SYNE1: variants seen among roughly 807,000 people sequenced by gnomAD.
SYNE1 encodes nesprin-1.
A neutral mutation model predicts 1,111.0 loss-of-function variants in SYNE1; 616 were observed. The observed-to-expected ratio is 0.55, with a 90% confidence interval of 0.52 to 0.59. SYNE1 has a LOEUF of 0.59. Among genes scored for constraint, SYNE1 ranks in the 20% least tolerant of loss-of-function variants. SYNE1 has a pLI of 0.00. For synonymous variants in SYNE1, 3,855 were observed against 3,825.8 expected (o/e 1.01, Z -0.28); for missense variants, 10,006 against 10,417.0 (o/e 0.96, Z 1.72).
At chr6:152,397,421 G>A (rs2097753309) in intron 49 of SYNE1, among the ~76,000 whole-genome samples, 1 of 151,986 alleles carries the variant, frequency 6.6e-6, no homozygotes, top group Non-Finnish European at 1.5e-5. Flanking sequence ...GCTTGGACAG[G>A]GCTTTGACAA....
rs377676454 is a variant in SYNE1, at chr6:152,483,093, G to C, written c.1342C>G (p.Gln448Glu). ...TANTIQRKLE[Q>E]HKDLLQNTDA... Reference sequence around the variant, plus strand: ...CCAACCAGAATTTTTACCTTATGTTGCTCAAGTTTCCGTTGTATCGTGTTT... The same window carrying C: ...CCAACCAGAATTTTTACCTTATGTTCCTCAAGTTTCCGTTGTATCGTGTTT... The change falls in exon 14 of 146, where the codon CAA (glutamine) becomes GAA (glutamate). Residue 448 changes from glutamine (Q) to glutamate (E), a missense_variant. This residue lies in a region of SYNE1 where 1,971 missense variants were observed against 2,084.1 expected (regional missense o/e 0.95). Coordinates refer to ENST00000367255, the MANE Select transcript of SYNE1 (RefSeq NM_182961.4). 3.7e-6 allele frequency: 6 copies of C among 1,614,154 alleles called. No individual in the cohort carries two copies. Among genetic ancestry groups the C allele is most frequent in the Non-Finnish European group, 5.1e-6 (6 of 1,180,012 alleles).
intron 4 of SYNE1, among the ~76,000 whole-genome samples, chr6:152,529,559 G>A (rs1183164275): frequency 6.6e-6 from 1 of 152,158 alleles, no homozygotes; most frequent in Non-Finnish European, 1.5e-5. Flanking sequence ...TTTCAGGCTT[G>A]ATGATTCACT....
intron 74 of SYNE1, among the ~76,000 whole-genome samples, chr6:152,343,178 A>C (rs891375766): frequency 6.9e-5 from 10 of 145,840 alleles, no homozygotes; most frequent in Admixed American, 2.1e-4. Flanking sequence ...TTTGAGACAG[A>C]GTCTCACTCT....
At chr6:152,349,031 C>CT (rs1290117264) in intron 72 of SYNE1, among the ~76,000 whole-genome samples, 2 of 152,190 alleles carry the variant, frequency 1.3e-5, no homozygotes, top group African/African-American at 4.8e-5. Context: ...TGTGTAGCTA[C>CT]TTTTTTATTC....
In SYNE1 at chr6:152,354,951, C is replaced by A; in HGVS notation, c.10634G>T (p.Gly3545Val). The A allele has an allele frequency of 6.2e-7, 1 of 1,613,950 alleles. No individual in the cohort carries two copies. The highest frequency in any genetic ancestry group is 8.5e-7 in the Non-Finnish European group (1 of 1,180,022). The change falls in exon 67 of 146, where the codon GGG becomes GTG. Residue 3545 changes from glycine (G) to valine (V), a missense_variant. Physicochemically the swap from Gly to Val is moderately radical, Grantham distance 109. This residue lies in a region of SYNE1 where 4,955 missense variants were observed against 5,017.2 expected (regional missense o/e 0.99). Transcript: ENST00000367255. ...CAGCACTGAGTTCAACAGGGCCTGC[C>A]CCTCTGCACAGTGTACCTGTAGCTC... ...LQELQVHCAE[G>V]QALLNSVLHT...
Position 152,425,558 on chromosome 6 carries a change from C to G in SYNE1, c.5101-11G>C. The G allele has an allele frequency of 6.2e-7, 1 of 1,614,076 alleles. No homozygotes were observed. The highest frequency in any genetic ancestry group is 1.3e-5 in the African/African-American group (1 of 75,058). On this transcript the variant is annotated splice_polypyrimidine_tract_variant and intron_variant, in intron 38 of 145. Coordinates refer to ENST00000367255, the MANE Select transcript of SYNE1 (RefSeq NM_182961.4). Reference sequence around the variant, plus strand: ...TTCATTTTGCAGTGCCTGAAAAATACAAGACATTACGGATCTCATCCTAAC... The same window carrying G: ...TTCATTTTGCAGTGCCTGAAAAATAGAAGACATTACGGATCTCATCCTAAC...
intron 3 of SYNE1, among the ~76,000 whole-genome samples, chr6:152,561,713 A>G (rs566562347): frequency 4.6e-4 from 70 of 152,318 alleles, no homozygotes; most frequent in Non-Finnish European, 8.2e-4. Flanking sequence ...GCATAAAAAA[A>G]CAATACATGG....
Position 152,239,635 on chromosome 6 carries a change from T to C in SYNE1, c.19965A>G (p.Ala6655=). ...ETLFRKIISF[A]VQKETQFHTE... is the part of the protein sequence containing the mutation. Reference sequence around the variant, plus strand: ...TATGGAACTGGGTTTCCTTTTGGACTGCAAAGCTGATTATCTTTCTGAAGA... The same window carrying C: ...TATGGAACTGGGTTTCCTTTTGGACCGCAAAGCTGATTATCTTTCTGAAGA... Residue 6655 remains alanine (A), a synonymous_variant, in exon 108 of 146, where the codon GCA becomes GCG. Transcript: ENST00000367255. The C allele has an allele frequency of 1.9e-6, 3 of 1,614,240 alleles. No individual in the cohort carries two copies. Among genetic ancestry groups the C allele is most frequent in the Non-Finnish European group, 2.5e-6 (3 of 1,180,042 alleles).
At position 152,294,137 on chromosome 6, in the gene SYNE1, C is replaced by A; in HGVS notation, c.17683-10G>T. ...GGTAATATGCAATGTCCTGTGAGTG[C>A]AAAGCACAGTATTGAATTAAACAAA... is the stretch of plus-strand genomic sequence containing the variant. On this transcript the variant is annotated splice_polypyrimidine_tract_variant and intron_variant, in intron 93 of 145. Coordinates refer to ENST00000367255, the MANE Select transcript of SYNE1 (RefSeq NM_182961.4). The A allele has an allele frequency of 6.2e-7, 1 of 1,612,946 alleles. No individual in the cohort carries two copies.
At chr6:152,246,395 T>C (rs1222087462) in intron 105 of SYNE1, among the ~76,000 whole-genome samples, 1 of 151,114 alleles carries the variant, frequency 6.6e-6, no homozygotes, top group Non-Finnish European at 1.5e-5. Context: ...ATGTATTCAT[T>C]AAAAAAAATA....
intron 124 of SYNE1, among the ~76,000 whole-genome samples, chr6:152,209,936 T>C (rs2077230441): frequency 6.6e-6 from 1 of 152,064 alleles, no homozygotes; most frequent in South Asian, 2.1e-4. Context: ...CTCCAGGACT[T>C]GAGAATATCG....
At position 152,387,385 on chromosome 6, in the gene SYNE1, G is replaced by A. The variant is rs1379627819; in HGVS notation, c.8178-4C>T. 2 of 1,613,620 alleles carry A rather than the reference G, an allele frequency of 1.2e-6. No individual in the cohort carries two copies. The highest frequency in any genetic ancestry group is 1.7e-6 in the Non-Finnish European group (2 of 1,179,778). On this transcript the variant is annotated splice_polypyrimidine_tract_variant and splice_region_variant and intron_variant, in intron 53 of 145. Coordinates refer to ENST00000367255, the MANE Select transcript of SYNE1 (RefSeq NM_182961.4). ...GCTAATCACAGACTCTAAAGTGCTA[G>A]AATTAATGTCACATATTAACAAAAA...
intron 56 of SYNE1, chr6:152,380,637 A>AATAGTTAAC (rs2097394583): frequency 3.3e-6 from 1 of 299,704 alleles, no homozygotes; most frequent in South Asian, 3.2e-5. Flanking sequence ...AGTTGTATGA[A>AATAGTTAAC]ATAGTTAACT....
At chr6:152,324,834 C>T (rs762085548) in intron 81 of SYNE1, among the ~76,000 whole-genome samples, 4 of 152,186 alleles carry the variant, frequency 2.6e-5, no homozygotes, top group Non-Finnish European at 5.9e-5. Context: ...GCAAAATGGG[C>T]TTGTTCTCCT....
intron 3 of SYNE1, among the ~76,000 whole-genome samples, chr6:152,571,224 T>C (rs892826355): frequency 6.6e-6 from 1 of 152,234 alleles, no homozygotes; most frequent in Non-Finnish European, 1.5e-5. Flanking sequence ...CTACTTGGTT[T>C]GTCTTCTGAG....
chr6:152,552,019 T>C (rs2099348680), intron 3 of SYNE1, among the ~76,000 whole-genome samples: 1 of 152,202 alleles, frequency 6.6e-6, no homozygotes, highest in African/African-American at 2.4e-5. Context: ...AAAGGGAGTC[T>C]TGAAAAATGT....
At chr6:152,481,395 T>A in intron 14 of SYNE1, 1 of 284,288 alleles carries the variant, frequency 3.5e-6, no homozygotes, top group East Asian at 8.2e-5. Flanking sequence ...ACATTCTACA[T>A]TTCATTTAAA....
At chr6:152,449,765 CTT>C in intron 27 of SYNE1, 124 bp from the exon 28 acceptor site, 2 of 804,568 alleles carry the variant, frequency 2.5e-6, no homozygotes, top group South Asian at 3.1e-5. Flanking sequence ...TGATTAATAA[CTT>C]TTCTGGAAAC....
Position 152,325,982 on chromosome 6 carries a change from C to T in SYNE1, c.15414G>A (p.Ala5138=), listed in dbSNP as rs746436040. The part of the protein sequence containing the change: ...SLLKTSSSHE[A]EEKLSEHKAL... Reference sequence around the variant, plus strand: ...CCTTGTGTTCTGACAATTTTTCTTCCGCTTCATGACTAGACGAAGTCTTCA... The same window carrying T: ...CCTTGTGTTCTGACAATTTTTCTTCTGCTTCATGACTAGACGAAGTCTTCA... Residue 5138 remains alanine, a synonymous_variant, in exon 80 of 146, where the codon GCG becomes GCA. Transcript: ENST00000367255. 58 of 1,613,878 alleles carry T rather than the reference C, an allele frequency of 3.6e-5. 1 individual carries two copies. Among genetic ancestry groups the T allele is most frequent in the Admixed American group, 1.3e-4 (8 of 59,980 alleles).
Sources: gnomAD v4.1 joint callset for allele counts (sites outside exome capture counted in the v4.1 genomes callset) on GRCh38, gnomAD v4.1.1 for gene constraint, gnomAD v4.1.1 regional missense constraint, MANE v1.5 for transcripts, NCBI Gene and HGNC (gene_info 2026-07-23, HGNC 2026-07-21) for gene names.